Variants in TRAPPC12 observed in about 807,000 individuals in gnomAD.
TRAPPC12 encodes trafficking protein particle complex subunit 12, also known as TPR repeat protein 15.
In TRAPPC12, 61 loss-of-function variants were observed where a neutral mutation model predicts 69.2. The ratio of observed to expected loss-of-function variants is 0.88; its 90% CI spans 0.72 to 1.09. The LOEUF (loss-of-function observed/expected upper bound fraction) is 1.09, where lower values mean the gene tolerates loss of function less well. TRAPPC12 is among the 50% of genes least tolerant of loss of function. TRAPPC12 has a pLI of 0.00. For missense variants in TRAPPC12, 1,101 were observed against 1,016.4 expected, an observed-to-expected ratio of 1.08 and a Z score of -1.13; for synonymous variants, 469 against 438.9, an observed-to-expected ratio of 1.07 and a Z score of -0.86.
chr2:3,390,353 T>C lies in TRAPPC12; in HGVS notation c.1047+1683T>C, dbSNP rs78112201. 3.7e-4 allele frequency among the ~76,000 whole-genome samples: 57 copies of C among 152,320 alleles called. No homozygotes were observed. In the East Asian group the frequency reaches 0.01, roughly 27 times the overall value. On this transcript the variant is annotated intron_variant, in intron 2 of 11. Transcript: ENST00000324266. Reference sequence around the variant, plus strand: ...AGTAAATTTTAAAATGCGTATCAAATGTGCATATTCTTTGACCCAGAAATT... The same window carrying C: ...AGTAAATTTTAAAATGCGTATCAAACGTGCATATTCTTTGACCCAGAAATT...
At chr2:3,422,088 G>C in intron 4 of TRAPPC12, 94 bp downstream of exon 4, 1 of 939,978 alleles carries the variant, frequency 1.1e-6, no homozygotes, top group Admixed American at 2.2e-5. Context: ...ATAACAAAAA[G>C]TATGTTTTCA....
Position 3,388,183 on chromosome 2 carries a change from G to A in TRAPPC12, c.560G>A (p.Gly187Asp), listed in dbSNP as rs760290761. The A allele has an allele frequency of 1.9e-6, 3 of 1,608,972 alleles. No individual in the cohort carries two copies. The South Asian group carries it at 3.3e-5, about 18-fold the overall frequency. Residue 187 changes from glycine to aspartate, a missense_variant, in exon 2 of 12, where the codon GGC becomes GAC. Coordinates refer to ENST00000324266, the MANE Select transcript of TRAPPC12 (RefSeq NM_016030.6). Reference protein sequence around the residue: ...PQMVKSPSFGGASEASARTPP... With the variant: ...PQMVKSPSFGDASEASARTPP... Reference sequence around the variant, plus strand: ...ATGGTGAAGTCGCCCAGCTTCGGTGGCGCCAGCGAGGCCTCGGCCAGGACA... The same window carrying A: ...ATGGTGAAGTCGCCCAGCTTCGGTGACGCCAGCGAGGCCTCGGCCAGGACA...
chr2:3,445,073 A>C (rs969337453), intron 6 of TRAPPC12, among the ~76,000 whole-genome samples: 1 of 152,210 alleles, frequency 6.6e-6, no homozygotes, highest in Non-Finnish European at 1.5e-5. Flanking sequence ...ATTATCCTCC[A>C]TGTCACATTG....
At chr2:3,396,389 C>T (rs1031695593) in intron 2 of TRAPPC12, among the ~76,000 whole-genome samples, 2 of 152,042 alleles carry the variant, frequency 1.3e-5, no homozygotes, top group African/African-American at 4.8e-5. Flanking sequence ...TATGATTTAT[C>T]CCTGGTTTTT....
chr2:3,395,311 C>G lies in TRAPPC12; in HGVS notation c.1048-6466C>G, dbSNP rs112897555. ...TATCTTTATAGAGCATCTCTTCAAA[C>G]GTTTTCTCCATCTTTCAAACTTCGG... On this transcript the variant is annotated intron_variant, in intron 2 of 11. Transcript: ENST00000324266. Among the ~76,000 whole-genome samples the G allele has an allele frequency of 7.6e-3, 1,154 of 152,208 alleles. 21 individuals are homozygous for G. Among genetic ancestry groups the G allele is most frequent in the African/African-American group, 0.026 (1,075 of 41,528 alleles).
chr2:3,387,472 A>G, intron 1 of TRAPPC12, 148 bp from the exon 2 acceptor site: 1 of 675,800 alleles, frequency 1.5e-6, no homozygotes, highest in Non-Finnish European at 2.5e-6. Flanking sequence ...GGTCAATTTT[A>G]TGTGTATTTT....
intron 5 of TRAPPC12, among the ~76,000 whole-genome samples, chr2:3,430,701 T>C (rs765564064): frequency 7.9e-5 from 12 of 152,396 alleles, no homozygotes; most frequent in Admixed American, 2.0e-4. Flanking sequence ...CAACATGACA[T>C]GTTTTAGGAG....
intron 9 of TRAPPC12, among the ~76,000 whole-genome samples, chr2:3,468,814 A>T (rs1376510147): frequency 6.6e-6 from 1 of 152,180 alleles, no homozygotes; most frequent in Non-Finnish European, 1.5e-5. Flanking sequence ...CCAGCCTCAG[A>T]GCTCCTGCTG....
chr2:3,418,852 T>C (rs1050115260), intron 3 of TRAPPC12, among the ~76,000 whole-genome samples: 2 of 152,204 alleles, frequency 1.3e-5, no homozygotes, highest in African/African-American at 2.4e-5. Context: ...CTGTGGCCTG[T>C]GCTCTTGGAA....
chr2:3,456,605 G>T (rs1309946488), intron 6 of TRAPPC12: 1 of 156,000 alleles, frequency 6.4e-6, no homozygotes, highest in East Asian at 1.9e-4. Context: ...TAAAGACAGG[G>T]TCTCATTCTG....
At chr2:3,416,449 C>T (rs1662398008) in intron 3 of TRAPPC12, among the ~76,000 whole-genome samples, 1 of 152,004 alleles carries the variant, frequency 6.6e-6, no homozygotes, top group Admixed American at 6.5e-5. Context: ...GCAGGGCCCC[C>T]AGGCCACTTC....
intron 2 of TRAPPC12, among the ~76,000 whole-genome samples, chr2:3,398,387 G>A (rs193073705): frequency 6.6e-6 from 1 of 152,280 alleles, no homozygotes; most frequent in East Asian, 1.9e-4. Context: ...GGTTTTAATT[G>A]TTGTGGTTTT....
At position 3,388,064 on chromosome 2, in the gene TRAPPC12, G is replaced by A. The variant is rs1425441014; in HGVS notation, c.441G>A (p.Pro147=). Reference sequence around the variant, plus strand: ...TCCCAGGCAGCGAAGCCGCGCGCCCGGAGCAGGAGCCTCCCGTTGCGGAGC... The same window carrying A: ...TCCCAGGCAGCGAAGCCGCGCGCCCAGAGCAGGAGCCTCCCGTTGCGGAGC... The part of the protein sequence containing the change: ...REVPGSEAAR[P]EQEPPVAEPV... The change falls in exon 2 of 12, where the codon CCG becomes CCA. Residue 147 remains proline (P), a synonymous_variant. Coordinates refer to ENST00000324266, the MANE Select transcript of TRAPPC12 (RefSeq NM_016030.6). The A allele has an allele frequency of 4.0e-6, 6 of 1,516,416 alleles. No individual in the cohort carries two copies. Among genetic ancestry groups the A allele is most frequent in the Non-Finnish European group, 5.3e-6 (6 of 1,137,210 alleles). 93.9% of individuals were successfully genotyped at this position (1,516,416 alleles called of 1,614,324 possible). A position where few individuals can be genotyped will look rare whatever the true frequency, so the allele number is the denominator to read the frequency against.
chr2:3,406,792 C>A (rs1229914716), intron 3 of TRAPPC12, among the ~76,000 whole-genome samples: 1 of 152,184 alleles, frequency 6.6e-6, no homozygotes, highest in Non-Finnish European at 1.5e-5. Flanking sequence ...GTTTAAAAAT[C>A]ACACACAAAG....
intron 5 of TRAPPC12, among the ~76,000 whole-genome samples, chr2:3,429,652 C>A (rs761160286): frequency 1.3e-5 from 2 of 152,124 alleles, no homozygotes; most frequent in Non-Finnish European, 1.5e-5. Flanking sequence ...ATGTTGCCCA[C>A]GTCTATTTAC....
At chr2:3,390,542 G>T (rs886920313) in intron 2 of TRAPPC12, among the ~76,000 whole-genome samples, 1 of 152,200 alleles carries the variant, frequency 6.6e-6, no homozygotes, top group Non-Finnish European at 1.5e-5. Context: ...CTTTGCAATG[G>T]AATATTTATG....
chr2:3,449,033 T>C (rs1365791141), intron 6 of TRAPPC12, among the ~76,000 whole-genome samples: 1 of 152,250 alleles, frequency 6.6e-6, no homozygotes, highest in African/African-American at 2.4e-5. Context: ...GTTTTATCTG[T>C]TGTCTTTGAG....
chr2:3,381,063 G>A (rs1660185534), intron 1 of TRAPPC12, among the ~76,000 whole-genome samples: 1 of 152,156 alleles, frequency 6.6e-6, no homozygotes. Context: ...AGCGCTGTGT[G>A]GGTAGCCTGT....
intron 5 of TRAPPC12, among the ~76,000 whole-genome samples, chr2:3,429,284 C>T (rs1432221273): frequency 3.3e-5 from 5 of 152,158 alleles, no homozygotes; most frequent in Non-Finnish European, 7.3e-5. Flanking sequence ...GCTGTTCTGT[C>T]TAGAATTGTC....
Sources: allele counts gnomAD v4.1 joint callset (sites outside exome capture counted in the v4.1 genomes callset), GRCh38; gene constraint gnomAD v4.1.1; transcripts MANE v1.5; gene names NCBI Gene and HGNC (gene_info 2026-07-23, HGNC 2026-07-21).